Variants in DNM3 observed in about 807,000 individuals in gnomAD.
DNM3 encodes the protein dynamin-3.
A neutral mutation model predicts 101.6 loss-of-function variants in DNM3; 47 were observed. The observed-to-expected ratio is 0.46, with a 90% CI of 0.37 to 0.59. The LOEUF is 0.59. Among genes scored for constraint, DNM3 ranks in the 20% least tolerant of loss-of-function variants. The probability of loss-of-function intolerance (pLI) is 0.00; values close to 1 mark genes in which losing one functional copy is unlikely to be tolerated. For missense variants in DNM3, 849 were observed against 1,085.7 expected (o/e 0.78, Z 3.06); for synonymous variants, 385 against 387.9 (o/e 0.99, Z 0.09).
intron 14 of DNM3, among the ~76,000 whole-genome samples, chr1:172,145,326 C>CTG (rs970327822): frequency 4.8e-5 from 7 of 145,612 alleles, no homozygotes; most frequent in African/African-American, 1.8e-4. Context: ...GTCTGTCTGT[C>CTG]TCTCTCTCTC....
intron 13 of DNM3, among the ~76,000 whole-genome samples, chr1:172,127,718 A>T (rs1327805774): frequency 1.3e-5 from 2 of 152,030 alleles, no homozygotes; most frequent in Non-Finnish European, 2.9e-5. Context: ...CTCTCTACTA[A>T]TTATGAATCA....
intron 14 of DNM3, among the ~76,000 whole-genome samples, chr1:172,151,541 G>A (rs77152925): frequency 2.0e-5 from 3 of 152,054 alleles, no homozygotes; most frequent in African/African-American, 4.8e-5. Flanking sequence ...CTCTCCTCAG[G>A]TTCTTCAAGA....
intron 14 of DNM3, among the ~76,000 whole-genome samples, chr1:172,206,850 A>T (rs965719679): frequency 1.3e-5 from 2 of 152,060 alleles, no homozygotes; most frequent in Non-Finnish European, 2.9e-5. Flanking sequence ...TTCAGACCTA[A>T]AGATCAGGCT....
intron 17 of DNM3, chr1:172,370,396 T>TG (rs1393226983): frequency 6.6e-6 from 1 of 152,000 alleles, no homozygotes; most frequent in Non-Finnish European, 1.5e-5. Context: ...AGTTTTATTT[T>TG]GGTATTGCTA....
At position 172,245,436 on chromosome 1, in the gene DNM3, T is replaced by G. The variant is rs185517458; in HGVS notation, c.1660-8137T>G. Among the ~76,000 whole-genome samples, 70 of 152,172 alleles carry G rather than the reference T, an allele frequency of 4.6e-4. 1 individual carries two copies. In the East Asian group the frequency reaches 0.011, roughly 24 times the overall value. ...GGTGCGAGGAACCAAGCACAAGGGA[T>G]CAGATGGGAATGTGAGGAATCCTGG... On this transcript the variant is annotated intron_variant, in intron 14 of 20. Transcript: ENST00000627582.
Position 172,388,692 on chromosome 1 carries a change from C to G in DNM3, c.2405C>G (p.Ala802Gly). ...CCCTCTCCTGGCCCCCACTCTGGGG[C>G]TCCTCCAGTCCCATTCCGTCCAGGC... ...AIPSPGPHSG[A>G]PPVPFRPGPL... Residue 802 changes from alanine (A) to glycine (G), a missense_variant, in exon 20 of 21, where the codon GCT (alanine) becomes GGT (glycine). By Grantham distance (60) the Ala-to-Gly change is moderately conservative. This residue lies in a region of DNM3 where 256 missense variants were observed against 311.7 expected (regional missense o/e 0.82). Transcript: ENST00000627582. 6.2e-7 allele frequency: 1 copy of G among 1,613,962 alleles called. No individual in the cohort carries two copies. The highest frequency in any genetic ancestry group is 8.5e-7 in the Non-Finnish European group (1 of 1,179,878).
At chr1:172,217,416 GAT>G (rs2060742975) in intron 14 of DNM3, among the ~76,000 whole-genome samples, 1 of 152,104 alleles carries the variant, frequency 6.6e-6, no homozygotes, top group Admixed American at 6.6e-5. Flanking sequence ...TACTCTCAGA[GAT>G]ATTTAAAATC....
intron 15 of DNM3, among the ~76,000 whole-genome samples, chr1:172,256,746 A>C (rs2062415132): frequency 6.6e-6 from 1 of 151,674 alleles, no homozygotes; most frequent in Non-Finnish European, 1.5e-5. Flanking sequence ...AAACTTCTTA[A>C]TTTAGATGTG....
intron 17 of DNM3, among the ~76,000 whole-genome samples, chr1:172,327,123 G>A (rs1172041970): frequency 6.6e-6 from 1 of 152,112 alleles, no homozygotes; most frequent in East Asian, 1.9e-4. Flanking sequence ...GGAGGGCCTT[G>A]ATATTTAAGA....
intron 16 of DNM3, among the ~76,000 whole-genome samples, chr1:172,321,778 C>T (rs1413384153): frequency 1.3e-5 from 2 of 152,150 alleles, no homozygotes; most frequent in African/African-American, 4.8e-5. Context: ...ATGCAATAAA[C>T]TCCATCTGTT....
At chr1:171,915,386 A>T (rs1029504870) in intron 1 of DNM3, among the ~76,000 whole-genome samples, 6 of 152,172 alleles carry the variant, frequency 3.9e-5, no homozygotes, top group African/African-American at 1.4e-4. Context: ...AGATTAGTGT[A>T]GCAGTTTATA....
At chr1:171,966,562 C>T (rs1437712908) in intron 2 of DNM3, among the ~76,000 whole-genome samples, 3 of 152,194 alleles carry the variant, frequency 2.0e-5, no homozygotes, top group Non-Finnish European at 2.9e-5. Flanking sequence ...TCTCTGGCAT[C>T]GACCCAGGGT....
intron 15 of DNM3, among the ~76,000 whole-genome samples, chr1:172,296,496 G>A (rs964121330): frequency 9.2e-5 from 14 of 152,286 alleles, no homozygotes; most frequent in African/African-American, 3.1e-4. Context: ...CCTATGTCTA[G>A]GGCTTCATCA....
chr1:171,961,617 T>A (rs1371511277), intron 2 of DNM3, among the ~76,000 whole-genome samples: 1 of 152,158 alleles, frequency 6.6e-6, no homozygotes, highest in African/African-American at 2.4e-5. Context: ...CTCAAAAGAT[T>A]GGAAAGCGGG....
At chr1:172,244,483 A>G (rs1208620656) in intron 14 of DNM3, among the ~76,000 whole-genome samples, 1 of 151,418 alleles carries the variant, frequency 6.6e-6, no homozygotes, top group Non-Finnish European at 1.5e-5. Flanking sequence ...TCCAGAATCT[A>G]CAATGAACTC....
chr1:171,871,249 T>C (rs1439228569), intron 1 of DNM3, among the ~76,000 whole-genome samples: 1 of 152,232 alleles, frequency 6.6e-6, no homozygotes, highest in African/African-American at 2.4e-5. Context: ...GGGTGTTATT[T>C]TGGCAACTCA....
chr1:172,143,335 G>A (rs751794514), intron 14 of DNM3, among the ~76,000 whole-genome samples: 6 of 152,002 alleles, frequency 3.9e-5, no homozygotes, highest in South Asian at 2.1e-4. Flanking sequence ...GAATTGTTTC[G>A]GAATAGAAAT....
At chr1:172,271,706 G>A (rs889450398) in intron 15 of DNM3, among the ~76,000 whole-genome samples, 5 of 152,060 alleles carry the variant, frequency 3.3e-5, no homozygotes, top group African/African-American at 1.2e-4. Flanking sequence ...ATATCAATGA[G>A]CTTTCTATAT....
At chr1:171,876,110 A>G (rs2035761186) in intron 1 of DNM3, among the ~76,000 whole-genome samples, 1 of 152,058 alleles carries the variant, frequency 6.6e-6, no homozygotes, top group African/African-American at 2.4e-5. Context: ...CGCCTGGCCA[A>G]AAAGAGTTAT....
Sources: gnomAD v4.1 joint callset for allele counts (sites outside exome capture counted in the v4.1 genomes callset) on GRCh38, gnomAD v4.1.1 for gene constraint, gnomAD v4.1.1 regional missense constraint, MANE v1.5 for transcripts, NCBI Gene and HGNC (gene_info 2026-07-23, HGNC 2026-07-21) for gene names.